ACOXL: variants seen among roughly 807,000 people sequenced by gnomAD.
ACOXL encodes the protein acyl-CoA oxidase like.
A neutral mutation model predicts 71.9 loss-of-function variants in ACOXL; 70 were observed. The ratio of observed to expected loss-of-function variants is 0.97; its 90% CI spans 0.80 to 1.19. The LOEUF is 1.19. ACOXL is among the 50% of genes most tolerant of loss of function. The pLI, the probability that ACOXL is intolerant of heterozygous loss-of-function variation, is 0.00. For synonymous variants in ACOXL, 253 were observed against 281.6 expected, an observed-to-expected ratio of 0.90 and a Z score of 1.02; for missense variants, 703 against 736.3, an observed-to-expected ratio of 0.95 and a Z score of 0.52.
intron 16 of ACOXL, among the ~76,000 whole-genome samples, chr2:111,068,470 T>G (rs759664063): frequency 1.3e-5 from 2 of 152,140 alleles, no homozygotes; most frequent in Non-Finnish European, 2.9e-5. Context: ...AAGGAGCCCA[T>G]CAGTGAATCC....
At chr2:110,969,647 C>T (rs944579793) in intron 12 of ACOXL, among the ~76,000 whole-genome samples, 3 of 151,946 alleles carry the variant, frequency 2.0e-5, no homozygotes, top group Non-Finnish European at 2.9e-5. Context: ...CCCATCTCTA[C>T]TAAAAATACA....
intron 2 of ACOXL, among the ~76,000 whole-genome samples, chr2:110,771,695 C>T (rs925090422): frequency 2.0e-5 from 3 of 152,256 alleles, no homozygotes; most frequent in African/African-American, 7.2e-5. Flanking sequence ...CAGACACACA[C>T]ACAGTGTGAA....
intron 9 of ACOXL, among the ~76,000 whole-genome samples, chr2:110,815,716 C>T (rs573415979): frequency 6.6e-5 from 10 of 152,260 alleles, no homozygotes; most frequent in Admixed American, 3.3e-4. Flanking sequence ...AGGCAGGAAC[C>T]GAAGGAGGTA....
At position 110,795,807 on chromosome 2, in the gene ACOXL, A is replaced by G. The variant is rs568390080; in HGVS notation, c.345+1633A>G. 1.1e-4 allele frequency: 17 copies of G among 152,178 alleles called. 1 individual carries two copies. In the South Asian group the frequency reaches 2.9e-3, roughly 26 times the overall value. The allele number at this position is 152,178 out of a possible 1,614,324, so 9.4% of individuals were successfully genotyped here. A position where few individuals can be genotyped will look rare whatever the true frequency, so the allele number is the denominator to read the frequency against. On this transcript the variant is annotated intron_variant, in intron 5 of 17. Coordinates refer to ENST00000439055, the MANE Select transcript of ACOXL (RefSeq NM_001142807.4). ...ACCTTGCTGTCGTTGATGGGGGGAAAACACCCACAGCTCTTATTTATTTGT... is the reference window on the plus strand; with the variant it reads ...ACCTTGCTGTCGTTGATGGGGGGAAGACACCCACAGCTCTTATTTATTTGT...
chr2:110,741,244 A>C (rs1677495360), intron 1 of ACOXL, among the ~76,000 whole-genome samples: 1 of 152,164 alleles, frequency 6.6e-6, no homozygotes, highest in African/African-American at 2.4e-5. Context: ...TGGCTTAAAT[A>C]ACAGAAATGT....
chr2:110,788,968 A>G (rs751028824), intron 3 of ACOXL, among the ~76,000 whole-genome samples: 15 of 152,354 alleles, frequency 9.8e-5, no homozygotes, highest in Non-Finnish European at 1.9e-4. Context: ...CTGGCTGTCA[A>G]CCTGAGGAAG....
intron 14 of ACOXL, among the ~76,000 whole-genome samples, chr2:110,999,838 C>T (rs1286113832): frequency 2.0e-5 from 3 of 152,174 alleles, no homozygotes; most frequent in Non-Finnish European, 4.4e-5. Context: ...AGACTGCAAG[C>T]ATGGGACAGT....
At chr2:110,900,694 A>G (rs2059200032) in intron 10 of ACOXL, among the ~76,000 whole-genome samples, 1 of 152,208 alleles carries the variant, frequency 6.6e-6, no homozygotes, top group Non-Finnish European at 1.5e-5. Context: ...AGAGGACAAG[A>G]ACAGACTCAG....
At chr2:110,838,898 C>T (rs1690794144) in intron 9 of ACOXL, among the ~76,000 whole-genome samples, 1 of 152,234 alleles carries the variant, frequency 6.6e-6, no homozygotes, top group Admixed American at 6.5e-5. Context: ...CAGAGGCCTG[C>T]CAGGAGCCCT....
intron 15 of ACOXL, among the ~76,000 whole-genome samples, chr2:111,037,979 T>G (rs2065603579): frequency 6.6e-6 from 1 of 152,258 alleles, no homozygotes; most frequent in Non-Finnish European, 1.5e-5. Flanking sequence ...GAACAATGCT[T>G]CTTGTTTTTT....
At chr2:110,757,684 C>T (rs1210728260) in intron 1 of ACOXL, among the ~76,000 whole-genome samples, 2 of 151,858 alleles carry the variant, frequency 1.3e-5, no homozygotes. Context: ...TTGTTAGCCA[C>T]ATGTATGTCT....
At chr2:111,042,395 T>G (rs1036050004) in intron 15 of ACOXL, among the ~76,000 whole-genome samples, 17 of 152,140 alleles carry the variant, frequency 1.1e-4, no homozygotes. Context: ...CTGTGAGAGG[T>G]GCAGGCTCCC....
chr2:110,755,770 G>T (rs1409951279), intron 1 of ACOXL, among the ~76,000 whole-genome samples: 1 of 152,112 alleles, frequency 6.6e-6, no homozygotes, highest in African/African-American at 2.4e-5. Flanking sequence ...TGAAATAGGT[G>T]TTATTTTAAC....
At chr2:110,989,804 G>T (rs773896186) in intron 13 of ACOXL, among the ~76,000 whole-genome samples, 6 of 152,188 alleles carry the variant, frequency 3.9e-5, no homozygotes, top group Non-Finnish European at 7.3e-5. Context: ...ACTTTGGGAG[G>T]CTGAGACGGG....
chr2:111,052,861 A>G (rs1039898238), intron 16 of ACOXL, among the ~76,000 whole-genome samples: 8 of 151,818 alleles, frequency 5.3e-5, no homozygotes, highest in South Asian at 2.1e-4. Context: ...CACCCCCCCA[A>G]TCTAGGAACT....
intron 14 of ACOXL, among the ~76,000 whole-genome samples, chr2:111,001,417 A>AAAAC (rs1387543069): frequency 1.0e-5 from 1 of 96,498 alleles, no homozygotes; most frequent in Non-Finnish European, 2.4e-5. Flanking sequence ...CAAAACAAAA[A>AAAAC]AACCCTAGCT....
At chr2:110,734,575 A>G (rs1676600473) in intron 1 of ACOXL, among the ~76,000 whole-genome samples, 1 of 152,066 alleles carries the variant, frequency 6.6e-6, no homozygotes, top group African/African-American at 2.4e-5. Context: ...AAGAGTTCCT[A>G]AAATCAATGT....
At chr2:111,062,274 G>C (rs1392667643) in intron 16 of ACOXL, among the ~76,000 whole-genome samples, 5 of 151,516 alleles carry the variant, frequency 3.3e-5, no homozygotes, top group African/African-American at 1.2e-4. Flanking sequence ...AGAAGATAGG[G>C]CACTGCTAAA....
At chr2:110,805,527 C>A in intron 9 of ACOXL, 132 bp downstream of exon 9, 2 of 1,276,136 alleles carry the variant, frequency 1.6e-6, no homozygotes, top group South Asian at 1.4e-5. Context: ...CGGTTAGATG[C>A]TGGGGAGTGC....
Sources: gnomAD v4.1 joint callset for allele counts (sites outside exome capture counted in the v4.1 genomes callset) on GRCh38, gnomAD v4.1.1 for gene constraint, MANE v1.5 for transcripts, NCBI Gene and HGNC (gene_info 2026-07-23, HGNC 2026-07-21) for gene names.